The following NOS1 variants were observed in gnomAD, a reference collection of about 807,000 sequenced individuals.
NOS1 encodes the protein NOS type I.
Under a neutral mutation model 164.5 loss-of-function variants are expected in NOS1, and 51 were observed. The ratio of observed to expected loss-of-function variants is 0.31; its 90% CI spans 0.25 to 0.39. The LOEUF (loss-of-function observed/expected upper bound fraction) is 0.39. Among genes scored for constraint, NOS1 ranks in the 10% least tolerant of loss-of-function variants. The probability of loss-of-function intolerance (pLI) is 1.00; values close to 1 mark genes in which losing one functional copy is unlikely to be tolerated. For missense variants in NOS1, 1,362 were observed against 1,885.6 expected (o/e 0.72, Z 5.14); for synonymous variants, 719 against 745.8 (o/e 0.96, Z 0.59).
chr12:117,318,058 A>T (rs1174292004), intron 2 of NOS1, among the ~76,000 whole-genome samples: 1 of 152,056 alleles, frequency 6.6e-6, no homozygotes, highest in Admixed American at 6.6e-5. Context: ...TATAGTCCCA[A>T]CTACTGGGGA....
chr12:117,260,632 G>A (rs766221910), intron 13 of NOS1, 23 bp from the exon 14 acceptor site: 1 of 1,600,090 alleles, frequency 6.2e-7, no homozygotes, highest in South Asian at 1.1e-5. Flanking sequence ...GGATGGAGAT[G>A]AAAAATGGGC....
At chr12:117,242,731 C>T (rs767521483) in intron 19 of NOS1, 26 bp from the exon 20 acceptor site, 21 of 1,604,670 alleles carry the variant, frequency 1.3e-5, no homozygotes, top group Non-Finnish European at 1.6e-5. Context: ...CAACAGTCTT[C>T]CTGAGAAGGG....
At chr12:117,280,158 G>C (rs1873517299) in intron 8 of NOS1, among the ~76,000 whole-genome samples, 1 of 152,210 alleles carries the variant, frequency 6.6e-6, no homozygotes, top group Non-Finnish European at 1.5e-5. Context: ...TGGGCAGGGA[G>C]ATGGTGGTAG....
intron 16 of NOS1, among the ~76,000 whole-genome samples, chr12:117,256,356 G>A (rs1335683154): frequency 2.1e-5 from 3 of 145,448 alleles, no homozygotes; most frequent in Non-Finnish European, 4.4e-5. Flanking sequence ...TCGGCTCACC[G>A]CAACATCTGC....
intron 3 of NOS1, among the ~76,000 whole-genome samples, chr12:117,304,344 T>C (rs1471988841): frequency 6.6e-6 from 1 of 152,206 alleles, no homozygotes; most frequent in African/African-American, 2.4e-5. Context: ...AACTTCTACC[T>C]GAGCTTCAAA....
intron 1 of NOS1, among the ~76,000 whole-genome samples, chr12:117,339,617 A>C (rs1162769468): frequency 6.6e-6 from 1 of 152,242 alleles, no homozygotes; most frequent in Admixed American, 6.5e-5. Context: ...CAAGAGATTG[A>C]GAAAATCTTA....
chr12:117,271,379 G>C (rs1872779014), intron 10 of NOS1, among the ~76,000 whole-genome samples: 1 of 151,838 alleles, frequency 6.6e-6, no homozygotes. Context: ...CCTGGTTCAA[G>C]CGATTCTCCT....
rs368153115 is a variant in NOS1, at chr12:117,272,513, C to T, written c.1711G>A (p.Ala571Thr). ...DLGLKWYGLP[A>T]VSNMLLEIGG... ...ATCTCTAGGAGCATGTTGGACACGG[C>T]GGGGAGGCCGTACCACTTCAGCCCC... is the stretch of plus-strand genomic sequence containing the variant. The change falls in exon 10 of 29, where the codon GCC becomes ACC. Residue 571 changes from alanine to threonine, a missense_variant. Around this residue, in one of 4 missense-constraint regions of NOS1, gnomAD observed 134 missense variants for 267.3 expected, o/e 0.50. Transcript: ENST00000317775. This position sits in a 1 kb window ranked among gnomAD's most constrained non-coding sequence, Gnocchi z 4.3. 5.0e-6 allele frequency: 8 copies of T among 1,614,028 alleles called. No homozygotes were observed. Among genetic ancestry groups the T allele is most frequent in the Admixed American group, 1.7e-5 (1 of 59,992 alleles).
Position 117,225,133 on chromosome 12 carries a change from G to A in NOS1, c.3709C>T (p.Pro1237Ser). The A allele has an allele frequency of 6.2e-7, 1 of 1,612,216 alleles. No homozygotes were observed. The highest frequency in any genetic ancestry group is 8.5e-7 in the Non-Finnish European group (1 of 1,179,042). Residue 1237 changes from proline (P) to serine (S), a missense_variant, in exon 25 of 29, where the codon CCC becomes TCC. By Grantham distance (74) the Pro-to-Ser change is moderately conservative (BLOSUM62 -1). Transcript: ENST00000317775. Reference protein sequence around the residue: ...ELVPCFVRGAPSFHLPRNPQV... With the variant: ...ELVPCFVRGASSFHLPRNPQV... ...GGGTTCCGGGGCAGGTGGAAGCTGG[G>A]TGCTCTGGGCAAGGAAGAGGGGGTC...
intron 2 of NOS1, among the ~76,000 whole-genome samples, chr12:117,324,463 C>A (rs1257687876): frequency 6.6e-6 from 1 of 152,180 alleles, no homozygotes; most frequent in Non-Finnish European, 1.5e-5. Flanking sequence ...GGCACGGTGG[C>A]TCACGCCTGT....
rs988423671 is a variant in NOS1, at chr12:117,212,033, G to A, written c.*3276C>T. Reference sequence around the variant, plus strand: ...GTGAGCTGAGATCGTACCACTGTACGCCAGCCTGGGTGACAGAGCAAGACT... The same window carrying A: ...GTGAGCTGAGATCGTACCACTGTACACCAGCCTGGGTGACAGAGCAAGACT... On this transcript the variant is annotated 3_prime_UTR_variant, in exon 29 of 29. Transcript: ENST00000317775. 31 of 906,748 alleles carry A rather than the reference G, an allele frequency of 3.4e-5. No homozygotes were observed. Among genetic ancestry groups the A allele is most frequent in the Admixed American group, 6.3e-5 (1 of 15,966 alleles). The allele number at this position is 906,748 out of a possible 1,614,324, so 56.2% of individuals were successfully genotyped here.
chr12:117,276,445 G>A (rs981456095), intron 9 of NOS1, among the ~76,000 whole-genome samples: 2 of 152,116 alleles, frequency 1.3e-5, no homozygotes, highest in African/African-American at 4.8e-5. Flanking sequence ...ACCATGCCCA[G>A]GGAATTTTTG....
intron 2 of NOS1, among the ~76,000 whole-genome samples, chr12:117,321,365 A>AT: frequency 6.6e-6 from 1 of 152,286 alleles, no homozygotes; most frequent in East Asian, 1.9e-4. Flanking sequence ...GAGGTTCACC[A>AT]TGGAATTCCC....
chr12:117,224,151 A>C (rs1868432487), intron 25 of NOS1, among the ~76,000 whole-genome samples: 1 of 152,196 alleles, frequency 6.6e-6, no homozygotes, highest in African/African-American at 2.4e-5. Context: ...TTTTATAATC[A>C]TCCCTCAAAT....
At chr12:117,275,431 G>C (rs1227451090) in intron 9 of NOS1, among the ~76,000 whole-genome samples, 1 of 152,080 alleles carries the variant, frequency 6.6e-6, no homozygotes, top group Non-Finnish European at 1.5e-5. Context: ...CTCACTCATA[G>C]GTAGAAGCTA....
At chr12:117,219,775 G>A (rs891446440) in intron 27 of NOS1, among the ~76,000 whole-genome samples, 1 of 152,134 alleles carries the variant, frequency 6.6e-6, no homozygotes, top group Non-Finnish European at 1.5e-5. Context: ...GCAGCTTCTG[G>A]GGCAGGAGAA....
intron 2 of NOS1, among the ~76,000 whole-genome samples, chr12:117,327,640 C>T (rs936258792): frequency 2.0e-5 from 3 of 152,176 alleles, no homozygotes; most frequent in African/African-American, 7.2e-5. Flanking sequence ...ACATCCAATG[C>T]CACAGAGTTC....
At chr12:117,245,690 G>A (rs1443974252) in intron 18 of NOS1, 3 of 152,220 alleles carry the variant, frequency 2.0e-5, no homozygotes, top group Non-Finnish European at 4.4e-5. Context: ...GGCCCCGGGG[G>A]GCAGACTGAC....
intron 17 of NOS1, among the ~76,000 whole-genome samples, chr12:117,250,257 C>A (rs1213235290): frequency 4.6e-5 from 7 of 152,006 alleles, no homozygotes; most frequent in Admixed American, 2.6e-4. Flanking sequence ...TCTTCCTTGC[C>A]CTCCTTTCCC....
Sources: allele counts gnomAD v4.1 joint callset (sites outside exome capture counted in the v4.1 genomes callset), GRCh38; gene constraint gnomAD v4.1.1; regional missense constraint gnomAD v4.1.1; non-coding constraint Gnocchi (gnomAD v3.1); transcripts MANE v1.5; gene names NCBI Gene and HGNC (gene_info 2026-07-23, HGNC 2026-07-21).